The following RECK variants were observed in gnomAD, a reference collection of about 807,000 sequenced individuals.
RECK encodes the protein reversion inducing cysteine rich protein with kazal motifs.
In RECK, 69 loss-of-function variants were observed where a neutral mutation model predicts 115.1. The observed-to-expected ratio is 0.60, with a 90% CI of 0.49 to 0.73. RECK has a LOEUF of 0.73. Ranked by LOEUF, RECK falls within the 30% of genes least tolerant of loss-of-function variation. The pLI, the probability that RECK is intolerant of heterozygous loss-of-function variation, is 0.00. For missense variants in RECK, 1,047 were observed against 1,203.7 expected (o/e 0.87, Z 1.93); for synonymous variants, 414 against 419.7 (o/e 0.99, Z 0.17).
At chr9:36,104,307 TATATATATATATATATATA>T (rs1286025030) in intron 12 of RECK, among the ~76,000 whole-genome samples, 1 of 64,208 alleles carries the variant, frequency 1.6e-5, no homozygotes, top group Non-Finnish European at 2.7e-5. Context: ...TATATATATA[TATATATATATATATATATA>T]TTTTTTTTTT....
rs144005841 is a variant in RECK at position 36,112,366 on chromosome 9, C to T, written c.1950C>T (p.Tyr650=). 4 of 1,613,818 alleles carry T rather than the reference C, an allele frequency of 2.5e-6. No homozygotes were observed. Among genetic ancestry groups the T allele is most frequent in the Non-Finnish European group, 1.7e-6 (2 of 1,180,008 alleles). Residue 650 remains tyrosine (Y), a synonymous_variant, in exon 16 of 21, where the codon TAC becomes TAT. Transcript: ENST00000377966. Reference sequence around the variant, plus strand: ...TATGTGGGCAGAATGGGCGCACTTACCCCAGTGCCTGCATTGCTCGCTGTG... The same window carrying T: ...TATGTGGGCAGAATGGGCGCACTTATCCCAGTGCCTGCATTGCTCGCTGTG... The part of the protein sequence containing the change: ...VPVCGQNGRT[Y]PSACIARCVG...
chr9:36,076,173 A>C (rs1483097385), intron 6 of RECK, among the ~76,000 whole-genome samples: 2 of 152,236 alleles, frequency 1.3e-5, no homozygotes. Context: ...CTGCGTTGTG[A>C]GAATAGTCTG....
At chr9:36,118,691 G>A (rs769065538) in intron 17 of RECK, 66 bp from the exon 18 acceptor site, 16 of 1,460,692 alleles carry the variant, frequency 1.1e-5, no homozygotes, top group African/African-American at 1.4e-5. Flanking sequence ...GGCATGCTGT[G>A]TACTCTTGGT....
At chr9:36,066,387 TAC>T (rs780800348) in intron 6 of RECK, among the ~76,000 whole-genome samples, 50 of 152,318 alleles carry the variant, frequency 3.3e-4, no homozygotes, top group Admixed American at 1.2e-3. Flanking sequence ...CATTTTTATA[TAC>T]AAACATTGGG....
chr9:36,121,589 C>T lies in RECK; in HGVS notation c.2595C>T (p.His865=), dbSNP rs570965238. 60 of 1,614,014 alleles carry T rather than the reference C, an allele frequency of 3.7e-5. No homozygotes were observed. Among genetic ancestry groups the T allele is most frequent in the South Asian group, 3.0e-4 (27 of 91,066 alleles). The change falls in exon 20 of 21, where the codon CAC becomes CAT. Residue 865 remains histidine, a synonymous_variant. Coordinates refer to ENST00000377966, the MANE Select transcript of RECK (RefSeq NM_021111.3). ...VLEILQKIRM[H]VSVPQCDVFG... ...AAATACTTCAGAAAATCCGCATGCA[C>T]GTGTCTGTCCCACAGTGTGATGTGT...
chr9:36,087,537 T>A (rs1043142601), intron 8 of RECK, among the ~76,000 whole-genome samples, 157 bp from the exon 9 acceptor site: 1 of 152,180 alleles, frequency 6.6e-6, no homozygotes, highest in African/African-American at 2.4e-5. Flanking sequence ...AAATACCTAA[T>A]GTAGATGACA....
chr9:36,080,763 A>T, intron 7 of RECK, 125 bp downstream of exon 7: 2 of 779,512 alleles, frequency 2.6e-6, no homozygotes, highest in Non-Finnish European at 4.1e-6. Context: ...CATGTATTAT[A>T]ACAATTCCCA....
intron 8 of RECK, among the ~76,000 whole-genome samples, chr9:36,084,096 T>A (rs999977596): frequency 6.6e-6 from 1 of 152,030 alleles, no homozygotes; most frequent in Non-Finnish European, 1.5e-5. Flanking sequence ...AAAAAGGACT[T>A]CTTACGTAGA....
At chr9:36,122,146 T>C (rs945921135) in intron 20 of RECK, among the ~76,000 whole-genome samples, 4 of 152,192 alleles carry the variant, frequency 2.6e-5, no homozygotes, top group Non-Finnish European at 4.4e-5. Flanking sequence ...TCATGTGGGC[T>C]CTAGTGTTTC....
chr9:36,049,133 A>G lies in RECK; in HGVS notation c.101-3132A>G, dbSNP rs562828061. On this transcript the variant is annotated intron_variant, in intron 1 of 20. Transcript: ENST00000377966. ...ATCTAGGAGGGAATGCAGAGCTTCTATGTCCTCTTATGGAATCAGGTGCAT... is the reference window on the plus strand; with the variant it reads ...ATCTAGGAGGGAATGCAGAGCTTCTGTGTCCTCTTATGGAATCAGGTGCAT... 4.6e-4 allele frequency among the ~76,000 whole-genome samples: 70 copies of G among 152,318 alleles called. 2 individuals are homozygous for G. The South Asian group carries it at 0.013, about 29-fold the overall frequency.
intron 8 of RECK, among the ~76,000 whole-genome samples, chr9:36,084,637 T>C (rs1346491871): frequency 1.3e-5 from 2 of 151,688 alleles, no homozygotes; most frequent in Admixed American, 1.3e-4. Flanking sequence ...GGAGGTTGCA[T>C]TGAGCCGAGA....
intron 16 of RECK, among the ~76,000 whole-genome samples, chr9:36,114,008 A>G (rs1824161352): frequency 6.6e-6 from 1 of 152,182 alleles, no homozygotes; most frequent in Non-Finnish European, 1.5e-5. Context: ...TCATTCAGAG[A>G]CGTGGGATCC....
intron 12 of RECK, among the ~76,000 whole-genome samples, chr9:36,104,313 TATATATATATATA>T (rs1162493636): frequency 0.013 from 860 of 68,140 alleles, 16 homozygotes; most frequent in South Asian, 0.034. Flanking sequence ...TATATATATA[TATATATATATATA>T]TTTTTTTTTT....
At chr9:36,117,995 C>A (rs1274290242) in intron 17 of RECK, among the ~76,000 whole-genome samples, 1 of 151,992 alleles carries the variant, frequency 6.6e-6, no homozygotes, top group African/African-American at 2.4e-5. Context: ...AAAGAAAAAA[C>A]CAAGGACAAT....
At chr9:36,043,922 G>A (rs1820980296) in intron 1 of RECK, among the ~76,000 whole-genome samples, 1 of 152,074 alleles carries the variant, frequency 6.6e-6, no homozygotes, top group Admixed American at 6.6e-5. Flanking sequence ...TAGCCTTATA[G>A]TATAATTTGA....
Position 36,065,625 on chromosome 9 carries a change from G to A in RECK, c.405+1G>A, listed in dbSNP as rs1821964436. 1 of 1,567,114 alleles carries A rather than the reference G, an allele frequency of 6.4e-7. No individual in the cohort carries two copies. Among genetic ancestry groups the A allele is most frequent in the Non-Finnish European group, 8.6e-7 (1 of 1,160,138 alleles). On this transcript the variant is annotated splice_donor_variant, in intron 6 of 20. Coordinates refer to ENST00000377966, the MANE Select transcript of RECK (RefSeq NM_021111.3). LOFTEE classifies it high-confidence loss of function. The stretch of plus-strand genomic sequence containing the variant: ...CAAAGTTTGCAGAAAAGAATATGAG[G>A]TATGCATTTTATTTAACAAATGTGG...
At chr9:36,080,708 A>G (rs1351615614) in intron 7 of RECK, 70 bp downstream of exon 7, 6 of 1,387,140 alleles carry the variant, frequency 4.3e-6, no homozygotes, top group Non-Finnish European at 6.1e-6. Flanking sequence ...CAATGTGCAC[A>G]GCAGGATTCC....
intron 6 of RECK, among the ~76,000 whole-genome samples, chr9:36,076,629 C>T (rs1186982652): frequency 2.0e-5 from 3 of 152,018 alleles, no homozygotes; most frequent in African/African-American, 7.3e-5. Context: ...TACTAATTGT[C>T]AAATATTCAG....
intron 3 of RECK, 102 bp from the exon 4 acceptor site, chr9:36,060,017 T>C (rs1821693183): frequency 9.7e-7 from 1 of 1,033,666 alleles, no homozygotes; most frequent in East Asian, 2.4e-5. Context: ...TGTGTAGACA[T>C]AGCCATAATC....
Sources: allele counts gnomAD v4.1 joint callset (sites outside exome capture counted in the v4.1 genomes callset), GRCh38; gene constraint gnomAD v4.1.1; transcripts MANE v1.5; gene names NCBI Gene and HGNC (gene_info 2026-07-23, HGNC 2026-07-21).